Variants in ATP6V1E1 observed in about 807,000 individuals in gnomAD.
The protein encoded by ATP6V1E1 is V-type proton ATPase subunit E 1.
A neutral mutation model predicts 35.2 loss-of-function variants in ATP6V1E1; 21 were observed. That is an observed-to-expected ratio of 0.60 (90% CI 0.42 to 0.86). The LOEUF (loss-of-function observed/expected upper bound fraction) is 0.86, where lower values mean the gene tolerates loss of function less well. Among genes scored for constraint, ATP6V1E1 ranks in the 40% least tolerant of loss-of-function variants. The pLI, the probability that ATP6V1E1 is intolerant of heterozygous loss-of-function variation, is 0.00. For synonymous variants in ATP6V1E1, 83 were observed against 87.8 expected (o/e 0.95, Z 0.30); for missense variants, 183 against 272.6 (o/e 0.67, Z 2.32).
At chr22:17,601,764 G>A (rs530990534) in intron 4 of ATP6V1E1, among the ~76,000 whole-genome samples, 4 of 152,186 alleles carry the variant, frequency 2.6e-5, no homozygotes, top group South Asian at 4.2e-4. Flanking sequence ...CCACCACCAC[G>A]CCCAGCTAAT....
intron 1 of ATP6V1E1, among the ~76,000 whole-genome samples, chr22:17,623,085 A>G (rs1230757303): frequency 6.6e-6 from 1 of 152,204 alleles, no homozygotes; most frequent in African/African-American, 2.4e-5. Flanking sequence ...TTATTTTGGC[A>G]GGTGAGTTGT....
Position 17,592,635 on chromosome 22 carries a change from C to A in ATP6V1E1, c.*39G>T, listed in dbSNP as rs373091635. On this transcript the variant is annotated 3_prime_UTR_variant, in exon 9 of 9. Transcript: ENST00000253413. Reference sequence around the variant, plus strand: ...TCAAATATCAGAAGCTTCCACATCACAGCAGGAGAGCTGACGACGAGCTCC... The same window carrying A: ...TCAAATATCAGAAGCTTCCACATCAAAGCAGGAGAGCTGACGACGAGCTCC... 2.5e-6 allele frequency: 4 copies of A among 1,592,868 alleles called. No homozygotes were observed. The highest frequency in any genetic ancestry group is 3.4e-6 in the Non-Finnish European group (4 of 1,160,898).
chr22:17,610,265 T>G (rs908290074), intron 4 of ATP6V1E1, among the ~76,000 whole-genome samples: 1 of 152,108 alleles, frequency 6.6e-6, no homozygotes, highest in Non-Finnish European at 1.5e-5. Flanking sequence ...TAATAAAATA[T>G]AAACAAGTGG....
intron 4 of ATP6V1E1, among the ~76,000 whole-genome samples, chr22:17,611,132 T>C (rs2057813467): frequency 2.0e-5 from 3 of 152,270 alleles, no homozygotes; most frequent in Admixed American, 2.0e-4. Flanking sequence ...ACATTATTAT[T>C]GTAAAAGCCT....
chr22:17,619,312 GAAGGAAGGA>G, intron 2 of ATP6V1E1, 140 bp downstream of exon 2: 1 of 744,516 alleles, frequency 1.3e-6, no homozygotes, highest in Non-Finnish European at 2.2e-6. Flanking sequence ...AAAAATGAAG[GAAGGAAGGA>G]GGGGAAGGAG....
At chr22:17,601,247 A>G in intron 4 of ATP6V1E1, 66 bp from the exon 5 acceptor site, 1 of 1,337,556 alleles carries the variant, frequency 7.5e-7, no homozygotes, top group Non-Finnish European at 1.1e-6. Flanking sequence ...ACCCACTGTG[A>G]GGCTGATCCT....
In ATP6V1E1 at chr22:17,599,302, C is replaced by G. The variant is rs548077123; in HGVS notation, c.435+725G>C. On this transcript the variant is annotated intron_variant, in intron 6 of 8. Transcript: ENST00000253413. ...TTAAAAAAAAAAAAGAAAGGCAGGGCACGGTGGCTCGCACCTGTAATCCCA... is the reference window on the plus strand; with the variant it reads ...TTAAAAAAAAAAAAGAAAGGCAGGGGACGGTGGCTCGCACCTGTAATCCCA... Among the ~76,000 whole-genome samples the G allele has an allele frequency of 2.3e-4, 35 of 151,018 alleles. 1 individual carries two copies. The highest frequency in any genetic ancestry group is 6.8e-4 in the African/African-American group (28 of 41,144).
intron 4 of ATP6V1E1, among the ~76,000 whole-genome samples, chr22:17,607,969 GCCAGAC>G (rs1487589677): frequency 6.6e-6 from 1 of 152,096 alleles, no homozygotes; most frequent in Non-Finnish European, 1.5e-5. Context: ...TCCCCACTCT[GCCAGAC>G]TACCTCTGTT....
At chr22:17,603,042 C>T (rs1320525652) in intron 4 of ATP6V1E1, among the ~76,000 whole-genome samples, 4 of 152,098 alleles carry the variant, frequency 2.6e-5, no homozygotes, top group African/African-American at 9.7e-5. Context: ...CTGCAACCTC[C>T]ACCTCCCGGG....
At chr22:17,609,709 T>A (rs1335102865) in intron 4 of ATP6V1E1, among the ~76,000 whole-genome samples, 5 of 151,764 alleles carry the variant, frequency 3.3e-5, no homozygotes, top group Non-Finnish European at 5.9e-5. Flanking sequence ...GACCTCGTGA[T>A]CCGCCCGCCT....
intron 1 of ATP6V1E1, among the ~76,000 whole-genome samples, chr22:17,627,348 C>T (rs763491882): frequency 8.4e-4 from 125 of 148,064 alleles, no homozygotes; most frequent in African/African-American, 2.6e-3. Context: ...AGGCTCGTCT[C>T]GAACTCCTGA....
In ATP6V1E1 at chr22:17,628,673, A is replaced by C; in HGVS notation, c.-38T>G. Reference sequence around the variant, plus strand: ...GCTAGGCCGGTGAACAGTAGGCTCGAGTTTAGGTTTGAAAGGTGAGGTGAG... The same window carrying C: ...GCTAGGCCGGTGAACAGTAGGCTCGCGTTTAGGTTTGAAAGGTGAGGTGAG... On this transcript the variant is annotated 5_prime_UTR_variant, in exon 1 of 9. Coordinates refer to ENST00000253413, the MANE Select transcript of ATP6V1E1 (RefSeq NM_001696.4). The C allele has an allele frequency of 6.2e-7, 1 of 1,613,870 alleles. No homozygotes were observed. Among genetic ancestry groups the C allele is most frequent in the Non-Finnish European group, 8.5e-7 (1 of 1,179,844 alleles).
chr22:17,625,348 C>T (rs2057898543), intron 1 of ATP6V1E1, among the ~76,000 whole-genome samples: 1 of 152,090 alleles, frequency 6.6e-6, no homozygotes, highest in African/African-American at 2.4e-5. Flanking sequence ...TTGCTGCAAC[C>T]TCTGGGTTCA....
At chr22:17,603,464 G>C (rs1440933254) in intron 4 of ATP6V1E1, among the ~76,000 whole-genome samples, 1 of 152,022 alleles carries the variant, frequency 6.6e-6, no homozygotes, top group African/African-American at 2.4e-5. Flanking sequence ...TGTCGTGAAT[G>C]ATAATCATAC....
intron 1 of ATP6V1E1, among the ~76,000 whole-genome samples, chr22:17,621,947 C>G (rs566332875): frequency 2.6e-5 from 4 of 152,144 alleles, no homozygotes; most frequent in Admixed American, 2.6e-4. Flanking sequence ...TCACCGGCTA[C>G]AATTGGAGAA....
chr22:17,599,577 C>CAA (rs71284922), intron 6 of ATP6V1E1, among the ~76,000 whole-genome samples: 11 of 65,680 alleles, frequency 1.7e-4, no homozygotes, highest in Admixed American at 1.0e-3. Context: ...AACTCCATCT[C>CAA]AAAAAAAAAA....
At position 17,612,874 on chromosome 22, in the gene ATP6V1E1, T is replaced by C; in HGVS notation, c.214A>G (p.Met72Val). 6.2e-7 allele frequency: 1 copy of C among 1,608,722 alleles called. No homozygotes were observed. The highest frequency in any genetic ancestry group is 1.1e-5 in the South Asian group (1 of 89,748). Reference sequence around the variant, plus strand: ...CTCGCTTGATTCATCAAATTGGACATCTGACTGCAAAACGGTATTGAAAAA... The same window carrying C: ...CTCGCTTGATTCATCAAATTGGACACCTGACTGCAAAACGGTATTGAAAAA... ...KQIEQQKKIQ[M>V]SNLMNQARLK... The change falls in exon 4 of 9, where the codon ATG (methionine) becomes GTG (valine). Residue 72 changes from methionine (M) to valine (V), a missense_variant. Met to Val is a conservative substitution (Grantham distance 21, BLOSUM62 1). Coordinates refer to ENST00000253413, the MANE Select transcript of ATP6V1E1 (RefSeq NM_001696.4).
At chr22:17,619,249 G>A (rs1033184199) in intron 2 of ATP6V1E1, 6 of 555,094 alleles carry the variant, frequency 1.1e-5, no homozygotes, top group Middle Eastern at 4.9e-4. Flanking sequence ...CCGAGATCGC[G>A]CCATTGCACT....
chr22:17,620,835 G>A (rs1232778905), intron 1 of ATP6V1E1, among the ~76,000 whole-genome samples: 6 of 152,162 alleles, frequency 3.9e-5, no homozygotes, highest in Non-Finnish European at 5.9e-5. Flanking sequence ...AGGCCGAGGC[G>A]GGCGGATCAC....
Sources: allele counts gnomAD v4.1 joint callset (sites outside exome capture counted in the v4.1 genomes callset), GRCh38; gene constraint gnomAD v4.1.1; transcripts MANE v1.5; gene names NCBI Gene and HGNC (gene_info 2026-07-23, HGNC 2026-07-21).